Variants in SSH2 observed in about 807,000 individuals in gnomAD.
SSH2 encodes the protein slingshot protein phosphatase 2.
Under a neutral mutation model 135.2 loss-of-function variants are expected in SSH2, and 37 were observed. The observed-to-expected ratio is 0.27, with a 90% confidence interval of 0.21 to 0.36. SSH2 has a LOEUF of 0.36. Ranked by LOEUF, SSH2 falls within the 10% of genes least tolerant of loss-of-function variation. SSH2 has a pLI of 1.00. For synonymous variants in SSH2, 628 were observed against 646.2 expected, an observed-to-expected ratio of 0.97 and a Z score of 0.43; for missense variants, 1,408 against 1,765.3, an observed-to-expected ratio of 0.80 and a Z score of 3.63.
chr17:29,788,073 T>C (rs2042000891), intron 3 of SSH2, among the ~76,000 whole-genome samples: 1 of 152,180 alleles, frequency 6.6e-6, no homozygotes, highest in South Asian at 2.1e-4. Flanking sequence ...TTTATCTTCT[T>C]TGGAGAAATG....
intron 3 of SSH2, among the ~76,000 whole-genome samples, chr17:29,711,286 T>C (rs971238362): frequency 6.6e-6 from 1 of 152,234 alleles, no homozygotes; most frequent in Non-Finnish European, 1.5e-5. Flanking sequence ...AAAAAGGATC[T>C]GTTTGTTCAA....
chr17:29,709,105 C>T (rs1288200902), intron 3 of SSH2, among the ~76,000 whole-genome samples: 2 of 143,282 alleles, frequency 1.4e-5, no homozygotes, highest in African/African-American at 2.6e-5. Context: ...GTGCATTTTA[C>T]ATTACTTTAT....
At position 29,808,182 on chromosome 17, in the gene SSH2, G is replaced by A. The variant is rs1245943277; in HGVS notation, c.145-14245C>T. Among the ~76,000 whole-genome samples the A allele has an allele frequency of 2.6e-5, 4 of 152,188 alleles. No homozygotes were observed. The East Asian group carries it at 5.8e-4, about 22-fold the overall frequency. On this transcript the variant is annotated intron_variant, in intron 2 of 15. Transcript: ENST00000540801. ...TCGCTCTTGTCACCCAGGCTGGAGT[G>A]CAGTGGCGCAATTTCGGCTCACTGC...
rs943962372 is a variant in SSH2, at chr17:29,716,456, T to C, written c.189-13394A>G. The C allele has an allele frequency of 1.3e-4, 87 of 685,182 alleles. 1 individual carries two copies. In the Admixed American group the frequency reaches 1.6e-3, roughly 12 times the overall value. The allele number at this position is 685,182 out of a possible 1,614,324, so 42.4% of individuals were successfully genotyped here. A position where few individuals can be genotyped will look rare whatever the true frequency, so the allele number is the denominator to read the frequency against. On this transcript the variant is annotated intron_variant, in intron 3 of 15. Transcript: ENST00000540801. ...TCTTGGCAAGAATCTTGCCCTCAAC[T>C]TGTGTACAACAATGCCAGCAGCATG...
intron 3 of SSH2, among the ~76,000 whole-genome samples, chr17:29,752,886 C>A (rs1373832102): frequency 6.6e-6 from 1 of 150,588 alleles, no homozygotes; most frequent in African/African-American, 2.4e-5. Context: ...AAAGATGCTA[C>A]ACCTCCATAG....
intron 1 of SSH2, among the ~76,000 whole-genome samples, chr17:29,886,639 C>G (rs1198254510): frequency 6.7e-6 from 1 of 149,782 alleles, no homozygotes; most frequent in Non-Finnish European, 1.5e-5. Context: ...CCCAACTACT[C>G]GGGAGGCTGA....
Position 29,631,574 on chromosome 17 carries a change from T to G in SSH2, c.3620A>C (p.Gln1207Pro). 1 of 1,614,168 alleles carries G rather than the reference T, an allele frequency of 6.2e-7. No homozygotes were observed. The highest frequency in any genetic ancestry group is 1.3e-5 in the African/African-American group (1 of 75,024). ...SGSEVPYKDS[Q>P]LSSADLSLIS... ...TAAACTTAGGTCTGCGCTACTTAGC[T>G]GGGAGTCCTTATATGGCACCTCACT... The change falls in exon 16 of 16, where the codon CAG becomes CCG. Residue 1207 changes from glutamine (Q) to proline (P), a missense_variant. Around this residue, in one of 3 missense-constraint regions of SSH2, gnomAD observed 1,080 missense variants for 1,144.5 expected, o/e 0.94. Transcript: ENST00000540801.
At chr17:29,834,437 T>A (rs549158343) in intron 2 of SSH2, among the ~76,000 whole-genome samples, 5 of 152,278 alleles carry the variant, frequency 3.3e-5, no homozygotes, top group South Asian at 2.1e-4. Flanking sequence ...TATATATACC[T>A]ACTATGTATA....
chr17:29,635,244 C>T (rs2035853425), intron 15 of SSH2, among the ~76,000 whole-genome samples: 1 of 152,040 alleles, frequency 6.6e-6, no homozygotes, highest in Non-Finnish European at 1.5e-5. Context: ...GAAGCAGTTG[C>T]TACTGTAACA....
At chr17:29,889,704 A>T (rs1471104703) in intron 1 of SSH2, among the ~76,000 whole-genome samples, 1 of 151,836 alleles carries the variant, frequency 6.6e-6, no homozygotes, top group East Asian at 1.9e-4. Flanking sequence ...TCTGGAATAC[A>T]TAAAGAACTC....
chr17:29,749,908 G>C (rs1018735779), intron 3 of SSH2, among the ~76,000 whole-genome samples: 1 of 151,730 alleles, frequency 6.6e-6, no homozygotes, highest in Non-Finnish European at 1.5e-5. Context: ...TGAATTTTTA[G>C]TAGAGGCGAG....
chr17:29,635,688 G>T (rs911693624), intron 15 of SSH2, among the ~76,000 whole-genome samples: 1 of 152,210 alleles, frequency 6.6e-6, no homozygotes, highest in Admixed American at 6.5e-5. Flanking sequence ...GATTACAGGT[G>T]TGAGCCACCG....
rs149660335 is a variant in SSH2 at position 29,677,824 on chromosome 17, G to A, written c.480-83C>T. 4.3e-5 allele frequency: 45 copies of A among 1,036,780 alleles called. No individual in the cohort carries two copies. In the East Asian group the frequency reaches 1.0e-3, roughly 24 times the overall value. 64.2% of individuals were successfully genotyped at this position (1,036,780 alleles called of 1,614,324 possible). A position where few individuals can be genotyped will look rare whatever the true frequency, so the allele number is the denominator to read the frequency against. On this transcript the variant is annotated intron_variant, in intron 6 of 15. Transcript: ENST00000540801. ...TGTTTACTAACTCTTTCAACACCAA[G>A]GATAAACCCTTAAATTCTAAATTCT...
At chr17:29,894,568 T>C (rs556588942) in intron 1 of SSH2, among the ~76,000 whole-genome samples, 3 of 152,136 alleles carry the variant, frequency 2.0e-5, no homozygotes. Context: ...ATTTGTATTA[T>C]TTTTATTATG....
intron 4 of SSH2, among the ~76,000 whole-genome samples, chr17:29,696,323 T>C (rs1454017369): frequency 6.7e-6 from 1 of 149,168 alleles, no homozygotes; most frequent in Non-Finnish European, 1.5e-5. Flanking sequence ...TAAATATACA[T>C]ACATATATAC....
At chr17:29,659,891 C>T (rs537823259) in intron 11 of SSH2, among the ~76,000 whole-genome samples, 4 of 151,666 alleles carry the variant, frequency 2.6e-5, no homozygotes, top group East Asian at 3.9e-4. Context: ...AGTGCAGTGA[C>T]GTGATCTTGG....
intron 3 of SSH2, among the ~76,000 whole-genome samples, chr17:29,786,227 CT>C (rs764866320): frequency 5.9e-5 from 9 of 152,336 alleles, no homozygotes; most frequent in Non-Finnish European, 1.2e-4. Context: ...ATCCATTTAT[CT>C]TTTGACCAAA....
intron 11 of SSH2, among the ~76,000 whole-genome samples, chr17:29,663,851 T>C (rs1265928995): frequency 6.6e-6 from 1 of 152,156 alleles, no homozygotes; most frequent in Non-Finnish European, 1.5e-5. Flanking sequence ...GATGTGCCAA[T>C]GTAGAATAAT....
chr17:29,862,715 G>T lies in SSH2; in HGVS notation c.64-13786C>A, dbSNP rs139521465. Among the ~76,000 whole-genome samples, 149 of 152,288 alleles carry T rather than the reference G, an allele frequency of 9.8e-4. 2 individuals carry two copies. In the Middle Eastern group the frequency reaches 0.01, roughly 10 times the overall value. On this transcript the variant is annotated intron_variant, in intron 1 of 15. Transcript: ENST00000540801. The stretch of plus-strand genomic sequence containing the variant: ...CCACATTACTCCCTAACTCTGGCCT[G>T]CAATTAGCCTATTTCATTTGCAAAG...
Sources: gnomAD v4.1 joint callset for allele counts (sites outside exome capture counted in the v4.1 genomes callset) on GRCh38, gnomAD v4.1.1 for gene constraint, gnomAD v4.1.1 regional missense constraint, MANE v1.5 for transcripts, NCBI Gene and HGNC (gene_info 2026-07-23, HGNC 2026-07-21) for gene names.